Variants in DDX24 observed in about 807,000 individuals in gnomAD.
DDX24 encodes the protein DEAD-box helicase 24.
A neutral mutation model predicts 68.9 loss-of-function variants in DDX24; 24 were observed. The ratio of observed to expected loss-of-function variants is 0.35; its 90% CI spans 0.25 to 0.49. The LOEUF (loss-of-function observed/expected upper bound fraction) is 0.49, where lower values mean the gene tolerates loss of function less well. Among genes scored for constraint, DDX24 ranks in the 20% least tolerant of loss-of-function variants. The probability of loss-of-function intolerance (pLI) is 0.99; values close to 1 mark genes in which losing one functional copy is unlikely to be tolerated. For missense variants in DDX24, 989 were observed against 1,039.0 expected, an observed-to-expected ratio of 0.95 and a Z score of 0.66; for synonymous variants, 395 against 385.2, an observed-to-expected ratio of 1.03 and a Z score of -0.30.
chr14:94,051,394 G>A lies in DDX24; in HGVS notation c.2377C>T (p.Arg793Cys), dbSNP rs754865069. The change falls in exon 9 of 9, where the codon CGC becomes TGC. Residue 793 changes from arginine (R) to cysteine (C), a missense_variant. Physicochemically the swap from Arg to Cys is radical, Grantham distance 180. Coordinates refer to ENST00000621632, the MANE Select transcript of DDX24 (RefSeq NM_020414.4). Reference protein sequence around the residue: ...KQMKVLKKELRHLLSQPLFTE... With the variant: ...KQMKVLKKELCHLLSQPLFTE... The stretch of plus-strand genomic sequence containing the variant: ...AACAGTGGCTGGGACAGCAGGTGGC[G>A]CAGCTCCTTCTTCAGAACCTTCATC... The A allele has an allele frequency of 3.3e-5, 53 of 1,606,754 alleles. No individual in the cohort carries two copies. The highest frequency in any genetic ancestry group is 8.0e-5 in the African/African-American group (6 of 74,542).
chr14:94,060,031 C>T, intron 5 of DDX24, 67 bp downstream of exon 5: 1 of 1,509,654 alleles, frequency 6.6e-7, no homozygotes, highest in Admixed American at 2.2e-5. Flanking sequence ...CATTTCCCCA[C>T]CATCCTGACC....
intron 2 of DDX24, among the ~76,000 whole-genome samples, chr14:94,070,564 C>A (rs185415779): frequency 0.021 from 3,221 of 152,172 alleles, 118 homozygotes; most frequent in African/African-American, 0.073. Flanking sequence ...CAAGACTAAG[C>A]AAAAAGAACA....
chr14:94,062,339 T>C lies in DDX24; in HGVS notation c.1001A>G (p.Asp334Gly). ...AGAAGGCCCTTCACCAGCATCATCG[T>C]CACCAAAGAGCAACGCCTGGTCTGA... The part of the protein sequence containing the change: ...TVSDQALLFG[D>G]DDAGEGPSSL... Residue 334 changes from aspartate to glycine, a missense_variant, in exon 3 of 9, where the codon GAC becomes GGC. Asp to Gly is a moderately conservative substitution (Grantham distance 94). Coordinates refer to ENST00000621632, the MANE Select transcript of DDX24 (RefSeq NM_020414.4). 27 of 1,614,216 alleles carry C rather than the reference T, an allele frequency of 1.7e-5. No individual in the cohort carries two copies. The highest frequency in any genetic ancestry group is 2.3e-5 in the Non-Finnish European group (27 of 1,180,044).
At chr14:94,064,086 G>A (rs8022370) in intron 2 of DDX24, among the ~76,000 whole-genome samples, 7,852 of 152,160 alleles carry the variant, frequency 0.052, 632 homozygotes, top group African/African-American at 0.17. Flanking sequence ...CATTGTATGC[G>A]AAGTAGTAAA....
At chr14:94,059,956 C>CA (rs36013055) in intron 5 of DDX24, 142 bp downstream of exon 5, 62,685 of 784,952 alleles carry the variant, frequency 0.08, 430 homozygotes, top group African/African-American at 0.16. Flanking sequence ...AAATGCTGTG[C>CA]AAAAAAAAAA....
At chr14:94,062,720 C>A in intron 2 of DDX24, 99 bp from the exon 3 acceptor site, 1 of 1,429,992 alleles carries the variant, frequency 7.0e-7, no homozygotes, top group Admixed American at 2.6e-5. Context: ...ATAAGGTAGC[C>A]AAGTGCCACC....
At chr14:94,066,493 T>C (rs938892203) in intron 2 of DDX24, among the ~76,000 whole-genome samples, 2 of 152,212 alleles carry the variant, frequency 1.3e-5, no homozygotes, top group South Asian at 4.1e-4. Context: ...TAGCTGATGC[T>C]TTCTGGAAAG....
chr14:94,078,010 C>T (rs979876377), intron 2 of DDX24, among the ~76,000 whole-genome samples: 4 of 150,040 alleles, frequency 2.7e-5, no homozygotes, highest in African/African-American at 9.9e-5. Context: ...ATCTGTGGAT[C>T]GACAATATTC....
rs1886019169 is a variant in DDX24, at chr14:94,079,643, T to C, written c.100A>G (p.Ile34Val). 6.2e-7 allele frequency: 1 copy of C among 1,614,054 alleles called. No individual in the cohort carries two copies. The highest frequency in any genetic ancestry group is 1.3e-5 in the African/African-American group (1 of 74,914). ...CCATCTGCAAACATATTTGGGTCAATCTTCACTTCCTTCCATTTTCCCACA... is the reference window on the plus strand; with the variant it reads ...CCATCTGCAAACATATTTGGGTCAACCTTCACTTCCTTCCATTTTCCCACA... ...KVVGKWKEVKIDPNMFADGQM... is the reference protein window; with the variant it reads ...KVVGKWKEVKVDPNMFADGQM... The change falls in exon 2 of 9, where the codon ATT (isoleucine) becomes GTT (valine). Residue 34 changes from isoleucine to valine, a missense_variant. Coordinates refer to ENST00000621632, the MANE Select transcript of DDX24 (RefSeq NM_020414.4).
Position 94,079,520 on chromosome 14 carries a change from T to C in DDX24, c.223A>G (p.Lys75Glu). The change falls in exon 2 of 9, where the codon AAG becomes GAG. Residue 75 changes from lysine to glutamate, a missense_variant. This residue lies in a region of DDX24 where 295 missense variants were observed against 263.0 expected (regional missense o/e 1.12). Transcript: ENST00000621632. ...PSSLFSKEAP[K>E]RKAQAVSEEE... ...TCTGAAACAGCTTGTGCCTTTCTCT[T>C]GGGTGCTTCCTTTGAGAAGAGACTG... 2 of 1,614,178 alleles carry C rather than the reference T, an allele frequency of 1.2e-6. No homozygotes were observed. Among genetic ancestry groups the C allele is most frequent in the South Asian group, 1.1e-5 (1 of 91,084 alleles).
chr14:94,058,565 T>C lies in DDX24; in HGVS notation c.1914-668A>G, dbSNP rs576491992. On this transcript the variant is annotated intron_variant, in intron 5 of 8. Coordinates refer to ENST00000621632, the MANE Select transcript of DDX24 (RefSeq NM_020414.4). ...AAGGACTTTGCATTACTCACTGCTG[T>C]TATTACCACCACAGAGAACAACATC... Among the ~76,000 whole-genome samples, 427 of 152,342 alleles carry C rather than the reference T, an allele frequency of 2.8e-3. 3 individuals carry two copies. The highest frequency in any genetic ancestry group is 9.9e-3 in the African/African-American group (410 of 41,576).
intron 7 of DDX24, among the ~76,000 whole-genome samples, chr14:94,053,946 C>T (rs979986201): frequency 2.0e-5 from 3 of 152,232 alleles, no homozygotes; most frequent in African/African-American, 7.2e-5. Flanking sequence ...GCAACCATTA[C>T]CCGTCTGTGT....
rs1885329704 is a variant in DDX24, at chr14:94,048,730, G to C, written c.*2461C>G. 6.6e-6 allele frequency: 1 copy of C among 151,784 alleles called. No individual in the cohort carries two copies. Among genetic ancestry groups the C allele is most frequent in the Non-Finnish European group, 1.5e-5 (1 of 68,020 alleles). The allele number at this position is 151,784 out of a possible 1,614,324, so 9.4% of individuals were successfully genotyped here. A position where few individuals can be genotyped will look rare whatever the true frequency, so the allele number is the denominator to read the frequency against. ...TGGCAGTGACTCGGTGGCTTCCCAA[G>C]CAGGAGTGTCAGGGGAACCATGAGA... On this transcript the variant is annotated 3_prime_UTR_variant, in exon 9 of 9. Transcript: ENST00000621632.
intron 5 of DDX24, 95 bp from the exon 6 acceptor site, chr14:94,057,992 T>C (rs1452454189): frequency 8.8e-7 from 1 of 1,137,402 alleles, no homozygotes; most frequent in Admixed American, 2.2e-5. Flanking sequence ...TTACAGTCCT[T>C]ACCAATACTC....
rs770602333 is a variant in DDX24, at chr14:94,079,471, T to G, written c.272A>C (p.Lys91Thr). ...GATCTTTTTCTTTGGTGAGCTAGAC[T>G]TTCCCTCCTCCTCCTCCTCTTCTTC... ...VSEEEEEEEG[K>T]SSSPKKKIKL... The change falls in exon 2 of 9, where the codon AAG (lysine) becomes ACG (threonine). Residue 91 changes from lysine to threonine, a missense_variant. By Grantham distance (78) the Lys-to-Thr change is moderately conservative. Coordinates refer to ENST00000621632, the MANE Select transcript of DDX24 (RefSeq NM_020414.4). 6.2e-7 allele frequency: 1 copy of G among 1,614,026 alleles called. No homozygotes were observed. Among genetic ancestry groups the G allele is most frequent in the Admixed American group, 1.7e-5 (1 of 60,020 alleles).
Position 94,062,363 on chromosome 14 carries a change from G to A in DDX24, c.977C>T (p.Ser326Leu), listed in dbSNP as rs748844405. ...GTCACCAAAGAGCAACGCCTGGTCT[G>A]AGACAGTGCCTCCAGTCTTGGCTCT... ...EARAKTGGTV[S>L]DQALLFGDDD... is the part of the protein sequence containing the mutation. The change falls in exon 3 of 9, where the codon TCA (serine) becomes TTA (leucine). Residue 326 changes from serine (S) to leucine (L), a missense_variant. Physicochemically the swap from Ser to Leu is moderately radical, Grantham distance 145. This residue lies in a region of DDX24 where 691 missense variants were observed against 760.0 expected (regional missense o/e 0.91). Transcript: ENST00000621632. 3 of 1,614,234 alleles carry A rather than the reference G, an allele frequency of 1.9e-6. No homozygotes were observed. Among genetic ancestry groups the A allele is most frequent in the Non-Finnish European group, 2.5e-6 (3 of 1,180,040 alleles).
At chr14:94,078,605 T>C (rs1298120682) in intron 2 of DDX24, among the ~76,000 whole-genome samples, 1 of 152,220 alleles carries the variant, frequency 6.6e-6, no homozygotes, top group African/African-American at 2.4e-5. Context: ...TTCTTCCCTA[T>C]ACTCATGAAG....
chr14:94,074,197 T>C (rs1012699734), intron 2 of DDX24, among the ~76,000 whole-genome samples: 7 of 152,198 alleles, frequency 4.6e-5, no homozygotes, highest in Non-Finnish European at 2.9e-5. Context: ...CAATCCTGTA[T>C]AAATTCTTTC....
At chr14:94,072,590 G>A (rs1171130085) in intron 2 of DDX24, among the ~76,000 whole-genome samples, 3 of 152,226 alleles carry the variant, frequency 2.0e-5, no homozygotes, top group Admixed American at 2.0e-4. Context: ...AACACTTTGG[G>A]AGGCCGAGGT....
Sources: allele counts gnomAD v4.1 joint callset (sites outside exome capture counted in the v4.1 genomes callset), GRCh38; gene constraint gnomAD v4.1.1; regional missense constraint gnomAD v4.1.1; transcripts MANE v1.5; gene names NCBI Gene and HGNC (gene_info 2026-07-23, HGNC 2026-07-21).